Variants in KARS1 observed in about 807,000 individuals in gnomAD.
KARS1 encodes lysine--tRNA ligase.
A neutral mutation model predicts 63.9 loss-of-function variants in KARS1; 50 were observed. That is an observed-to-expected ratio of 0.78 (90% CI 0.62 to 0.99). The LOEUF (loss-of-function observed/expected upper bound fraction) is 0.99. KARS1 is among the 50% of genes least tolerant of loss of function. The probability of loss-of-function intolerance (pLI) is 0.00; values close to 1 mark genes in which losing one functional copy is unlikely to be tolerated. For synonymous variants in KARS1, 320 were observed against 264.6 expected, an observed-to-expected ratio of 1.21 and a Z score of -2.03; for missense variants, 816 against 754.5, an observed-to-expected ratio of 1.08 and a Z score of -0.95.
intron 1 of KARS1, among the ~76,000 whole-genome samples, chr16:75,646,446 C>T (rs2082284397): frequency 6.6e-6 from 1 of 151,550 alleles, no homozygotes; most frequent in African/African-American, 2.4e-5. Flanking sequence ...GAGGCTGAGG[C>T]AGGAGAATCG....
At chr16:75,647,334 C>T in intron 1 of KARS1, 1 of 605,274 alleles carries the variant, frequency 1.7e-6, no homozygotes, top group South Asian at 1.9e-5. Flanking sequence ...CCTCCACAGT[C>T]TCTTAACTCT....
At chr16:75,628,537 G>A (rs756654729) in intron 13 of KARS1, 32 bp downstream of exon 13, 2 of 1,612,056 alleles carry the variant, frequency 1.2e-6, no homozygotes, top group South Asian at 1.1e-5. Context: ...AGCTTCCTCA[G>A]GAAGTGTGCT....
Position 75,640,307 on chromosome 16 carries a change from CCTT to C in KARS1, c.262_264del (p.Lys88del). ...TGTGGGTATGGGTCTTCCCCATTGACCTTCAGCTGATGAATTGCTTGACTGCGG... is the reference window on the plus strand; with the variant it reads ...TGTGGGTATGGGTCTTCCCCATTGACCAGCTGATGAATTGCTTGACTGCGG... On this transcript the variant is annotated inframe_deletion, in exon 3 of 14. Coordinates refer to ENST00000302445, the MANE Select transcript of KARS1 (RefSeq NM_005548.3). 6.2e-7 allele frequency: 1 copy of C among 1,613,344 alleles called. No homozygotes were observed. The highest frequency in any genetic ancestry group is 1.1e-5 in the South Asian group (1 of 91,060).
chr16:75,639,571 CAAAAAAAAA>C (rs35021757), intron 3 of KARS1, among the ~76,000 whole-genome samples: 8 of 79,822 alleles, frequency 1.0e-4, no homozygotes, highest in African/African-American at 4.1e-4. Flanking sequence ...GACTATATCT[CAAAAAAAAA>C]AAAAAAAAAA....
intron 6 of KARS1, 160 bp downstream of exon 6, chr16:75,635,520 C>G: frequency 1.2e-6 from 1 of 830,116 alleles, no homozygotes; most frequent in Non-Finnish European, 2.0e-6. Flanking sequence ...CCTTCCTAAT[C>G]AGGACAAGGT....
chr16:75,642,623 G>A (rs2151811179), intron 1 of KARS1: 1 of 152,264 alleles, frequency 6.6e-6, no homozygotes, highest in Admixed American at 6.5e-5. Context: ...TAGCACTCAA[G>A]GAGACCTCCC....
At chr16:75,628,915 C>T (rs536748840) in intron 12 of KARS1, 8 of 631,916 alleles carry the variant, frequency 1.3e-5, no homozygotes, top group African/African-American at 5.5e-5. Context: ...CTGATGAAAT[C>T]GACCTCAGAA....
At chr16:75,644,505 GT>G (rs1464147475) in intron 1 of KARS1, 2 of 1,431,830 alleles carry the variant, frequency 1.4e-6, no homozygotes, top group African/African-American at 2.8e-5. Context: ...GGGACAGACA[GT>G]ATACATATAC....
chr16:75,641,813 C>T, intron 1 of KARS1, 90 bp from the exon 2 acceptor site: 2 of 1,386,552 alleles, frequency 1.4e-6, no homozygotes, highest in Non-Finnish European at 2.0e-6. Flanking sequence ...ACATGAATCG[C>T]CCAGGAGAAA....
At chr16:75,641,502 T>C in intron 2 of KARS1, 62 bp downstream of exon 2, 1 of 1,471,454 alleles carries the variant, frequency 6.8e-7, no homozygotes, top group Non-Finnish European at 9.4e-7. Context: ...CCAAAGAATC[T>C]GCCAGAAGCC....
chr16:75,637,452 G>A (rs1315654926), intron 3 of KARS1, among the ~76,000 whole-genome samples: 1 of 152,014 alleles, frequency 6.6e-6, no homozygotes, highest in Non-Finnish European at 1.5e-5. Context: ...GGATGTGTCC[G>A]TTTCCATACA....
At chr16:75,636,720 G>A (rs1451805092) in intron 3 of KARS1, among the ~76,000 whole-genome samples, 173 bp from the exon 4 acceptor site, 4 of 151,174 alleles carry the variant, frequency 2.6e-5, no homozygotes, top group African/African-American at 7.3e-5. Flanking sequence ...TGCAACCTCC[G>A]CCTCCCAGGT....
Position 75,630,300 on chromosome 16 carries a change from G to A in KARS1, c.1424+123C>T, listed in dbSNP as rs546293088. On this transcript the variant is annotated intron_variant, in intron 11 of 13. Transcript: ENST00000302445. ...CCCCAGTTGAAAAAAAGCCACTTGG[G>A]TTACCCTGGTCAACACCACCCAGCA... 14 of 697,220 alleles carry A rather than the reference G, an allele frequency of 2.0e-5. No individual in the cohort carries two copies. In the East Asian group the frequency reaches 3.7e-4, roughly 18 times the overall value. The allele number at this position is 697,220 out of a possible 1,614,324, so 43.2% of individuals were successfully genotyped here. A position where few individuals can be genotyped will look rare whatever the true frequency, so the allele number is the denominator to read the frequency against.
chr16:75,638,509 T>G (rs886079549), intron 3 of KARS1, among the ~76,000 whole-genome samples: 1 of 151,904 alleles, frequency 6.6e-6, no homozygotes, highest in Non-Finnish European at 1.5e-5. Flanking sequence ...TCTAACTTAC[T>G]ATTCAAAAAT....
chr16:75,635,398 A>G (rs113335212), intron 6 of KARS1: 9 of 353,762 alleles, frequency 2.5e-5, no homozygotes, highest in Admixed American at 1.2e-4. Flanking sequence ...TAATCAAAAA[A>G]TATTTCTTAA....
At chr16:75,640,154 G>C (rs773987965) in intron 3 of KARS1, 30 bp downstream of exon 3, 1 of 1,604,192 alleles carries the variant, frequency 6.2e-7, no homozygotes, top group Non-Finnish European at 8.5e-7. Context: ...TGCTGTGGGA[G>C]TTCAGTGATT....
chr16:75,640,137 G>A, intron 3 of KARS1, 47 bp downstream of exon 3: 1 of 1,553,962 alleles, frequency 6.4e-7, no homozygotes, highest in Non-Finnish European at 8.9e-7. Context: ...GAAGCCGCAG[G>A]CCTACCTGCT....
chr16:75,637,369 C>T (rs2082173323), intron 3 of KARS1, among the ~76,000 whole-genome samples: 1 of 151,862 alleles, frequency 6.6e-6, no homozygotes, highest in African/African-American at 2.4e-5. Flanking sequence ...CCCCAAATGG[C>T]CAAAGGTATC....
intron 3 of KARS1, among the ~76,000 whole-genome samples, chr16:75,638,950 C>T (rs1266509663): frequency 6.6e-6 from 1 of 151,982 alleles, no homozygotes; most frequent in African/African-American, 2.4e-5. Flanking sequence ...GGTGGATCAC[C>T]TGAGGTCAGG....
Sources: allele counts gnomAD v4.1 joint callset (sites outside exome capture counted in the v4.1 genomes callset), GRCh38; gene constraint gnomAD v4.1.1; transcripts MANE v1.5; gene names NCBI Gene and HGNC (gene_info 2026-07-23, HGNC 2026-07-21).